The following TTC7B variants were observed in gnomAD, a reference collection of about 807,000 sequenced individuals.
TTC7B encodes the protein tetratricopeptide repeat domain 7B.
A neutral mutation model predicts 106.8 loss-of-function variants in TTC7B; 28 were observed. That is an observed-to-expected ratio of 0.26 (90% CI 0.19 to 0.36). The LOEUF (loss-of-function observed/expected upper bound fraction) is 0.36, where lower values mean the gene tolerates loss of function less well. Ranked by LOEUF, TTC7B falls within the 10% of genes least tolerant of loss-of-function variation. The pLI, the probability that TTC7B is intolerant of heterozygous loss-of-function variation, is 1.00. For missense variants in TTC7B, 862 were observed against 1,076.4 expected (o/e 0.80, Z 2.79); for synonymous variants, 405 against 430.6 (o/e 0.94, Z 0.74).
At chr14:90,618,966 C>T (rs544680850) in intron 15 of TTC7B, among the ~76,000 whole-genome samples, 7 of 152,216 alleles carry the variant, frequency 4.6e-5, no homozygotes, top group Non-Finnish European at 8.8e-5. Flanking sequence ...TGCAGTGGCA[C>T]GGTCTTGGCT....
rs372403787 is a variant in TTC7B, at chr14:90,694,730, TATATAC to T, written c.777+764_777+769del. On this transcript the variant is annotated intron_variant, in intron 6 of 19. Transcript: ENST00000328459. ...ATTTTATTATAAAATAGGTATATTT[TATATAC>T]ATTTTATTTTATATAAAATAAATAA... 5.6e-5 allele frequency among the ~76,000 whole-genome samples: 8 copies of T among 141,928 alleles called. No individual in the cohort carries two copies. The South Asian group carries it at 1.3e-3, about 23-fold the overall frequency. 93.1% of individuals were successfully genotyped at this position (141,928 alleles called of 152,430 possible).
chr14:90,736,219 GTTTTT>G (rs1217682656), intron 4 of TTC7B, among the ~76,000 whole-genome samples: 2 of 151,710 alleles, frequency 1.3e-5, no homozygotes, highest in Non-Finnish European at 2.9e-5. Flanking sequence ...TTGTATGTTT[GTTTTT>G]GTTTGTTTTT....
At chr14:90,695,037 TTTTA>T (rs1230107695) in intron 6 of TTC7B, among the ~76,000 whole-genome samples, 4,725 of 42,996 alleles carry the variant, frequency 0.11, 433 homozygotes, top group East Asian at 0.22. Context: ...ATATTTTTTA[TTTTA>T]TTATAAAATA....
chr14:90,636,455 C>T (rs1033153953), intron 15 of TTC7B, among the ~76,000 whole-genome samples: 1 of 146,268 alleles, frequency 6.8e-6, no homozygotes, highest in African/African-American at 2.5e-5. Flanking sequence ...AAAGCCAATC[C>T]GCCATCCCAG....
intron 17 of TTC7B, among the ~76,000 whole-genome samples, chr14:90,603,595 G>A (rs1440029708): frequency 1.3e-5 from 2 of 152,112 alleles, no homozygotes; most frequent in East Asian, 1.9e-4. Flanking sequence ...AATTCCAAAG[G>A]GAAGGGAAAA....
chr14:90,655,522 A>G (rs1411932056), intron 11 of TTC7B, among the ~76,000 whole-genome samples: 1 of 152,202 alleles, frequency 6.6e-6, no homozygotes. Context: ...TACCCAGGAT[A>G]TAAAGAATCC....
intron 3 of TTC7B, among the ~76,000 whole-genome samples, chr14:90,760,677 G>T (rs72695511): frequency 6.6e-6 from 1 of 152,128 alleles, no homozygotes; most frequent in Non-Finnish European, 1.5e-5. Flanking sequence ...AGAGCCCTGG[G>T]GGGCATTGTG....
Position 90,644,218 on chromosome 14 carries a change from A to G in TTC7B, c.1591-10T>C. ...CCAGAGCCTCTGGGATCTGGTTTAAAACAAAACCAAAAAAGGTTTTACATA... is the reference window on the plus strand; with the variant it reads ...CCAGAGCCTCTGGGATCTGGTTTAAGACAAAACCAAAAAAGGTTTTACATA... On this transcript the variant is annotated splice_polypyrimidine_tract_variant and intron_variant, in intron 14 of 19. Transcript: ENST00000328459. 6.4e-7 allele frequency: 1 copy of G among 1,562,082 alleles called. No individual in the cohort carries two copies.
At chr14:90,666,894 C>T (rs917805618) in intron 9 of TTC7B, among the ~76,000 whole-genome samples, 2 of 152,236 alleles carry the variant, frequency 1.3e-5, no homozygotes, top group Non-Finnish European at 2.9e-5. Context: ...CTCCTCTCAA[C>T]TCTACGAATC....
intron 15 of TTC7B, among the ~76,000 whole-genome samples, chr14:90,626,112 C>T (rs547215302): frequency 1.3e-4 from 20 of 152,160 alleles, no homozygotes; most frequent in Non-Finnish European, 2.5e-4. Context: ...CAAGAAGCAC[C>T]GCTCTCATTC....
intron 15 of TTC7B, among the ~76,000 whole-genome samples, chr14:90,639,586 G>A (rs151004122): frequency 1.4e-4 from 21 of 152,316 alleles, no homozygotes; most frequent in Non-Finnish European, 1.5e-4. Flanking sequence ...CTGCTGATGG[G>A]AGTGTAAACT....
intron 3 of TTC7B, among the ~76,000 whole-genome samples, chr14:90,745,313 A>AG (rs57917232): frequency 0.013 from 1,734 of 135,908 alleles, 36 homozygotes; most frequent in African/African-American, 0.044. Context: ...AAAAAAAAAA[A>AG]AAGAAGAAGA....
chr14:90,663,174 C>T lies in TTC7B; in HGVS notation c.1153-4787G>A, dbSNP rs1229513066. Among the ~76,000 whole-genome samples the T allele has an allele frequency of 9.9e-5, 15 of 152,178 alleles. No individual in the cohort carries two copies. The highest frequency in any genetic ancestry group is 3.1e-4 in the African/African-American group (13 of 41,440). Reference sequence around the variant, plus strand: ...CAAGGCAGGTAGGCCCCTTTATCATCGTCCATTTGCAGGTGAGGAAACTGA... The same window carrying T: ...CAAGGCAGGTAGGCCCCTTTATCATTGTCCATTTGCAGGTGAGGAAACTGA... On this transcript the variant is annotated intron_variant, in intron 9 of 19. Coordinates refer to ENST00000328459, the MANE Select transcript of TTC7B (RefSeq NM_001010854.2). The surrounding 1 kb of genome is among the most constrained non-coding windows in gnomAD (Gnocchi z 4.5).
chr14:90,795,873 T>C (rs749675479), intron 1 of TTC7B, among the ~76,000 whole-genome samples: 1 of 152,160 alleles, frequency 6.6e-6, no homozygotes, highest in African/African-American at 2.4e-5. Context: ...GCTGAGCTCA[T>C]ACGAAGTGCC....
intron 18 of TTC7B, among the ~76,000 whole-genome samples, chr14:90,590,200 G>C (rs547652360): frequency 6.6e-6 from 1 of 152,288 alleles, no homozygotes; most frequent in African/African-American, 2.4e-5. Flanking sequence ...GACCTGCTGT[G>C]GGCAAGCATC....
rs139086532 is a variant in TTC7B, at chr14:90,742,718, AT to A, written c.576+2073del. ...CATTTCCCCAAAATCAAAGAAAAGG[AT>A]TTCTTTTAAATCCTACGACTATACA... On this transcript the variant is annotated intron_variant, in intron 4 of 19. Coordinates refer to ENST00000328459, the MANE Select transcript of TTC7B (RefSeq NM_001010854.2). The surrounding 1 kb of genome is among the most constrained non-coding windows in gnomAD (Gnocchi z 4.1). Among the ~76,000 whole-genome samples, 223 of 152,336 alleles carry A rather than the reference AT, an allele frequency of 1.5e-3. 1 individual carries two copies. The highest frequency in any genetic ancestry group is 5.2e-3 in the African/African-American group (218 of 41,584).
chr14:90,800,992 G>A (rs1004843999), intron 1 of TTC7B, among the ~76,000 whole-genome samples: 14 of 151,964 alleles, frequency 9.2e-5, no homozygotes, highest in African/African-American at 3.1e-4. Flanking sequence ...TTGAGACCAG[G>A]CTATACGGTC....
intron 5 of TTC7B, among the ~76,000 whole-genome samples, chr14:90,701,642 A>G (rs1320253343): frequency 6.6e-6 from 1 of 151,608 alleles, no homozygotes; most frequent in Non-Finnish European, 1.5e-5. Flanking sequence ...CTTCCTTTCA[A>G]CCTCTGGGAA....
At chr14:90,550,831 G>A (rs1890045167) in intron 19 of TTC7B, among the ~76,000 whole-genome samples, 1 of 152,150 alleles carries the variant, frequency 6.6e-6, no homozygotes, top group Non-Finnish European at 1.5e-5. Flanking sequence ...GATGGAGGAG[G>A]GATGGTGTGG....
Sources: gnomAD v4.1 joint callset for allele counts (sites outside exome capture counted in the v4.1 genomes callset) on GRCh38, gnomAD v4.1.1 for gene constraint, Gnocchi (gnomAD v3.1) non-coding constraint, MANE v1.5 for transcripts, NCBI Gene and HGNC (gene_info 2026-07-23, HGNC 2026-07-21) for gene names.